KCNK2: variants seen among roughly 807,000 people sequenced by gnomAD.
The protein encoded by KCNK2 is potassium channel subfamily K member 2.
In KCNK2, 21 loss-of-function variants were observed where a neutral mutation model predicts 40.5. That is an observed-to-expected ratio of 0.52 (90% CI 0.37 to 0.75). KCNK2 has a LOEUF of 0.75. Ranked by LOEUF, KCNK2 falls within the 30% of genes least tolerant of loss-of-function variation. The probability of loss-of-function intolerance (pLI) is 0.00; values close to 1 mark genes in which losing one functional copy is unlikely to be tolerated. For synonymous variants in KCNK2, 191 were observed against 202.2 expected, an observed-to-expected ratio of 0.94 and a Z score of 0.47; for missense variants, 399 against 531.6, an observed-to-expected ratio of 0.75 and a Z score of 2.45.
intron 1 of KCNK2, among the ~76,000 whole-genome samples, chr1:215,020,262 GTA>G (rs1313317637): frequency 5.3e-5 from 8 of 152,136 alleles, no homozygotes; most frequent in African/African-American, 1.7e-4. Context: ...CTTAAAAATA[GTA>G]TTAATAATCA....
chr1:215,045,341 A>T (rs1648341036), intron 1 of KCNK2, among the ~76,000 whole-genome samples: 1 of 152,160 alleles, frequency 6.6e-6, no homozygotes, highest in Non-Finnish European at 1.5e-5. Context: ...GAAACCCAAT[A>T]CTGGTGTTGG....
chr1:215,221,691 A>G (rs1666184823), intron 6 of KCNK2, among the ~76,000 whole-genome samples: 1 of 152,208 alleles, frequency 6.6e-6, no homozygotes, highest in Non-Finnish European at 1.5e-5. Context: ...TTGCAGAGGC[A>G]GAACAAAATC....
chr1:215,086,277 C>A, intron 1 of KCNK2, 91 bp from the exon 2 acceptor site: 1 of 1,065,966 alleles, frequency 9.4e-7, no homozygotes, highest in South Asian at 1.5e-5. Context: ...GAGCGGAATT[C>A]AATCAACCTT....
At chr1:215,097,373 C>A (rs982246407) in intron 2 of KCNK2, among the ~76,000 whole-genome samples, 2 of 151,530 alleles carry the variant, frequency 1.3e-5, no homozygotes, top group East Asian at 1.9e-4. Context: ...CATTCTGATA[C>A]CTTCTCTTCC....
At chr1:215,051,004 A>T (rs760109920) in intron 1 of KCNK2, among the ~76,000 whole-genome samples, 3 of 152,128 alleles carry the variant, frequency 2.0e-5, no homozygotes, top group Non-Finnish European at 4.4e-5. Context: ...TGTGGTTTTG[A>T]TCTTGATTCA....
intron 2 of KCNK2, among the ~76,000 whole-genome samples, chr1:215,099,534 A>G (rs540801247): frequency 6.6e-6 from 1 of 152,100 alleles, no homozygotes; most frequent in African/African-American, 2.4e-5. Flanking sequence ...AGAAGTACTT[A>G]AGGAATGAAA....
At chr1:215,066,033 T>C (rs190060523) in intron 1 of KCNK2, among the ~76,000 whole-genome samples, 53 of 152,040 alleles carry the variant, frequency 3.5e-4, no homozygotes, top group Non-Finnish European at 7.1e-4. Flanking sequence ...CCAAACACCA[T>C]AGGTTCTCAC....
chr1:215,179,133 G>A (rs374719159), intron 5 of KCNK2, among the ~76,000 whole-genome samples: 21 of 151,952 alleles, frequency 1.4e-4, no homozygotes, highest in South Asian at 1.0e-3. Flanking sequence ...TTTTTAATTT[G>A]TGTGCATAGA....
chr1:215,036,958 G>C, intron 1 of KCNK2, among the ~76,000 whole-genome samples: 1 of 140,424 alleles, frequency 7.1e-6, no homozygotes, highest in Non-Finnish European at 1.5e-5. Context: ...GCCATCTGTA[G>C]ATTTATTTTA....
intron 3 of KCNK2, among the ~76,000 whole-genome samples, chr1:215,154,661 T>C (rs531485452): frequency 1.3e-5 from 2 of 152,320 alleles, no homozygotes; most frequent in African/African-American, 4.8e-5. Flanking sequence ...TGCCCATGCC[T>C]ATGTCCTCAA....
intron 2 of KCNK2, among the ~76,000 whole-genome samples, chr1:215,093,695 T>C (rs1448293000): frequency 1.1e-5 from 1 of 95,160 alleles, no homozygotes; most frequent in East Asian, 2.7e-4. Context: ...TATGTATATA[T>C]TATATATTAT....
chr1:215,030,158 T>C (rs1657135206), intron 1 of KCNK2, among the ~76,000 whole-genome samples: 1 of 152,220 alleles, frequency 6.6e-6, no homozygotes, highest in African/African-American at 2.4e-5. Context: ...TGACATGTAA[T>C]GTGAAGCATC....
intron 2 of KCNK2, among the ~76,000 whole-genome samples, chr1:215,088,537 T>C (rs1487852187): frequency 6.6e-6 from 1 of 151,456 alleles, no homozygotes; most frequent in Non-Finnish European, 1.5e-5. Context: ...AGTTGCATTC[T>C]TATCACCTGG....
At chr1:215,120,386 T>C (rs1661130089) in intron 2 of KCNK2, among the ~76,000 whole-genome samples, 1 of 152,220 alleles carries the variant, frequency 6.6e-6, no homozygotes. Context: ...GTTTCTTCTT[T>C]TCTATTGCTT....
rs1370887273 is a variant in KCNK2 at position 215,082,857 on chromosome 1, G to T, written c.-529G>T. On this transcript the variant is annotated 5_prime_UTR_variant, in exon 1 of 7. Transcript: ENST00000444842. ...CGCGGGGCACGGAGGGCATTGCGGGGGGAGACACACAAAGACATGCGAAGA... is the reference window on the plus strand; with the variant it reads ...CGCGGGGCACGGAGGGCATTGCGGGTGGAGACACACAAAGACATGCGAAGA... Among the ~76,000 whole-genome samples, 1 of 151,994 alleles carries T rather than the reference G, an allele frequency of 6.6e-6. No homozygotes were observed. Among genetic ancestry groups the T allele is most frequent in the East Asian group, 2.0e-4 (1 of 5,114 alleles).
At chr1:215,206,467 T>C (rs914826849) in intron 6 of KCNK2, among the ~76,000 whole-genome samples, 2 of 152,216 alleles carry the variant, frequency 1.3e-5, no homozygotes, top group African/African-American at 4.8e-5. Context: ...CTATTCACAC[T>C]AGATTATAAC....
intron 3 of KCNK2, among the ~76,000 whole-genome samples, chr1:215,161,181 A>G (rs1186903089): frequency 6.6e-6 from 1 of 152,184 alleles, no homozygotes; most frequent in South Asian, 2.1e-4. Flanking sequence ...ACTATTGAGC[A>G]TGGATATGAT....
intron 6 of KCNK2, among the ~76,000 whole-genome samples, chr1:215,218,011 G>C (rs1666025589): frequency 6.6e-6 from 1 of 152,152 alleles, no homozygotes; most frequent in African/African-American, 2.4e-5. Flanking sequence ...GAAGTCCAAA[G>C]AAGAAATTCA....
At chr1:215,089,387 G>C (rs901802539) in intron 2 of KCNK2, among the ~76,000 whole-genome samples, 1 of 152,132 alleles carries the variant, frequency 6.6e-6, no homozygotes, top group African/African-American at 2.4e-5. Flanking sequence ...AAGAAATTCT[G>C]CTACATATTA....
Sources: allele counts gnomAD v4.1 joint callset (sites outside exome capture counted in the v4.1 genomes callset), GRCh38; gene constraint gnomAD v4.1.1; transcripts MANE v1.5; gene names NCBI Gene and HGNC (gene_info 2026-07-23, HGNC 2026-07-21).